The following ANO4 variants were observed in gnomAD, a reference collection of about 807,000 sequenced individuals.
ANO4 encodes anoctamin-4.
Under a neutral mutation model 141.9 loss-of-function variants are expected in ANO4, and 69 were observed. That is an observed-to-expected ratio of 0.49 (90% CI 0.40 to 0.59). ANO4 has a LOEUF of 0.59. ANO4 is among the 20% of genes least tolerant of loss of function. The probability of loss-of-function intolerance (pLI) is 0.00; values close to 1 mark genes in which losing one functional copy is unlikely to be tolerated. For missense variants in ANO4, 894 were observed against 1,162.2 expected, an observed-to-expected ratio of 0.77 and a Z score of 3.36; for synonymous variants, 350 against 394.3, an observed-to-expected ratio of 0.89 and a Z score of 1.33.
At chr12:100,800,496 T>C (rs2034615472) in intron 1 of ANO4, among the ~76,000 whole-genome samples, 1 of 152,244 alleles carries the variant, frequency 6.6e-6, no homozygotes, top group Non-Finnish European at 1.5e-5. Context: ...GGTTATTCCA[T>C]TGAGAAATTC....
chr12:100,726,725 G>C (rs1802665952), intron 1 of ANO4, among the ~76,000 whole-genome samples: 1 of 152,136 alleles, frequency 6.6e-6, no homozygotes, highest in Admixed American at 6.5e-5. Flanking sequence ...ATGCTACCAT[G>C]ACTTATGCAT....
intron 1 of ANO4, among the ~76,000 whole-genome samples, chr12:100,812,700 A>G (rs1235679013): frequency 6.6e-6 from 1 of 152,110 alleles, no homozygotes; most frequent in East Asian, 1.9e-4. Flanking sequence ...AAGATAAACC[A>G]TTTGCTCAGG....
intron 3 of ANO4, among the ~76,000 whole-genome samples, chr12:100,775,757 C>G (rs186525013): frequency 6.6e-6 from 1 of 152,108 alleles, no homozygotes; most frequent in African/African-American, 2.4e-5. Context: ...AGAAGTGATG[C>G]CACTAACACC....
intron 16 of ANO4, among the ~76,000 whole-genome samples, chr12:101,084,384 T>G (rs919475453): frequency 5.9e-5 from 9 of 152,226 alleles, no homozygotes; most frequent in Non-Finnish European, 8.8e-5. Flanking sequence ...AAAACAGACC[T>G]CAGTTTTTAG....
intron 1 of ANO4, among the ~76,000 whole-genome samples, chr12:100,837,542 G>A (rs61944855): frequency 0.19 from 28,884 of 151,940 alleles, 3,210 homozygotes; most frequent in Admixed American, 0.29. Context: ...TTGGGAGGCC[G>A]AGGCAGGAGG....
intron 9 of ANO4, among the ~76,000 whole-genome samples, chr12:101,035,018 T>C (rs1459155058): frequency 2.6e-5 from 4 of 152,202 alleles, no homozygotes; most frequent in Non-Finnish European, 5.9e-5. Flanking sequence ...GTTCATCTAC[T>C]ATATGATCTA....
At chr12:100,898,582 A>G (rs2040449184) in intron 1 of ANO4, among the ~76,000 whole-genome samples, 1 of 152,128 alleles carries the variant, frequency 6.6e-6, no homozygotes, top group Non-Finnish European at 1.5e-5. Context: ...ATTTTTTGCT[A>G]TGATCTACAT....
chr12:101,083,954 C>G (rs2049383151), intron 16 of ANO4, 136 bp downstream of exon 16: 1 of 848,484 alleles, frequency 1.2e-6, no homozygotes, highest in East Asian at 3.0e-5. Flanking sequence ...GTAACTTCGT[C>G]TGGTGGTCAG....
At chr12:100,919,670 C>CTGTGTGTGTGTG (rs63330161) in intron 2 of ANO4, among the ~76,000 whole-genome samples, 3 of 139,872 alleles carry the variant, frequency 2.1e-5, no homozygotes, top group African/African-American at 8.3e-5. Context: ...GGACATGTCT[C>CTGTGTGTGTGTG]TGTGTGTGTG....
At chr12:100,741,154 T>C (rs1192692857) in intron 3 of ANO4, among the ~76,000 whole-genome samples, 1 of 152,222 alleles carries the variant, frequency 6.6e-6, no homozygotes, top group Non-Finnish European at 1.5e-5. Flanking sequence ...GTTTAAATTA[T>C]GCAAAATCTA....
At chr12:100,936,562 A>G (rs1308783601) in intron 3 of ANO4, among the ~76,000 whole-genome samples, 1 of 152,184 alleles carries the variant, frequency 6.6e-6, no homozygotes, top group East Asian at 1.9e-4. Context: ...GGAAAAGCCT[A>G]AGGGGATACA....
intron 1 of ANO4, among the ~76,000 whole-genome samples, chr12:100,882,588 G>T (rs955338678): frequency 6.6e-6 from 1 of 152,066 alleles, no homozygotes; most frequent in Non-Finnish European, 1.5e-5. Flanking sequence ...CCTACATCCA[G>T]TTCAGTTTTG....
chr12:100,739,047 ATATATATCTAAATCTT>A (rs1315635516), intron 2 of ANO4, among the ~76,000 whole-genome samples: 9 of 146,974 alleles, frequency 6.1e-5, no homozygotes, highest in South Asian at 2.1e-4. Flanking sequence ...AAATCTTTAT[ATATATATCTAAATCTT>A]TATATATATC....
At chr12:100,814,563 A>T (rs1044360694) in intron 1 of ANO4, among the ~76,000 whole-genome samples, 8 of 152,116 alleles carry the variant, frequency 5.3e-5, no homozygotes, top group Admixed American at 2.6e-4. Context: ...TAGTCCTTAT[A>T]TGTTTTTATT....
intron 3 of ANO4, among the ~76,000 whole-genome samples, chr12:100,932,362 GT>G (rs200760686): frequency 5.5e-4 from 80 of 146,416 alleles, no homozygotes; most frequent in East Asian, 3.8e-3. Context: ...ACACTTGCTG[GT>G]TTTTTTTTTT....
chr12:100,903,104 G>A (rs2040673052), intron 2 of ANO4, among the ~76,000 whole-genome samples: 1 of 152,020 alleles, frequency 6.6e-6, no homozygotes, highest in African/African-American at 2.4e-5. Flanking sequence ...CTGTTCTGTC[G>A]AGAGTAACCA....
chr12:100,973,289 A>T (rs1307781564), intron 6 of ANO4, among the ~76,000 whole-genome samples: 1 of 152,198 alleles, frequency 6.6e-6, no homozygotes, highest in Non-Finnish European at 1.5e-5. Flanking sequence ...CCAAAGGAGG[A>T]ATTCTCCTAC....
intron 1 of ANO4, among the ~76,000 whole-genome samples, chr12:100,861,739 T>C (rs1446312493): frequency 6.6e-6 from 1 of 152,250 alleles, no homozygotes; most frequent in Non-Finnish European, 1.5e-5. Context: ...TGTTTTTGAC[T>C]CTTTTGTAAT....
At chr12:100,984,714 C>T (rs1271393082) in intron 7 of ANO4, among the ~76,000 whole-genome samples, 1 of 152,204 alleles carries the variant, frequency 6.6e-6, no homozygotes, top group Non-Finnish European at 1.5e-5. Context: ...AGTTACAAAT[C>T]TCAGCTTCCT....
Sources: allele counts gnomAD v4.1 joint callset (sites outside exome capture counted in the v4.1 genomes callset), GRCh38; gene constraint gnomAD v4.1.1; transcripts MANE v1.5; gene names NCBI Gene and HGNC (gene_info 2026-07-23, HGNC 2026-07-21).